Variants in SH3RF3 observed in about 807,000 individuals in gnomAD.
The protein encoded by SH3RF3 is E3 ubiquitin-protein ligase SH3RF3.
Under a neutral mutation model 66.3 loss-of-function variants are expected in SH3RF3, and 29 were observed. The observed-to-expected ratio is 0.44, with a 90% confidence interval of 0.33 to 0.60. The LOEUF (loss-of-function observed/expected upper bound fraction) is 0.60, where lower values mean the gene tolerates loss of function less well. Ranked by LOEUF, SH3RF3 falls within the 20% of genes least tolerant of loss-of-function variation. The pLI is 0.04. For missense variants in SH3RF3, 1,194 were observed against 1,190.9 expected (o/e 1.00, Z -0.04); for synonymous variants, 583 against 532.0 (o/e 1.10, Z -1.32).
intron 1 of SH3RF3, among the ~76,000 whole-genome samples, chr2:109,196,303 A>C (rs1678498674): frequency 6.6e-6 from 1 of 152,116 alleles, no homozygotes; most frequent in Admixed American, 6.5e-5. Context: ...GCAGCCCTGG[A>C]TTGGTGTAGC....
Position 109,366,773 on chromosome 2 carries a change from C to T in SH3RF3, c.850-4813C>T, listed in dbSNP as rs146925178. On this transcript the variant is annotated intron_variant, in intron 2 of 9. Transcript: ENST00000309415. ...GAGGCTGAGGAGGGAGGACCACTTGCGCCTGGAAAGTCAAAGCTGCAGTGA... is the reference window on the plus strand; with the variant it reads ...GAGGCTGAGGAGGGAGGACCACTTGTGCCTGGAAAGTCAAAGCTGCAGTGA... Among the ~76,000 whole-genome samples the T allele has an allele frequency of 6.8e-3, 1,035 of 152,206 alleles. 11 individuals carry two copies. The highest frequency in any genetic ancestry group is 0.023 in the African/African-American group (949 of 41,520).
chr2:109,461,677 G>A (rs535357572), intron 8 of SH3RF3, among the ~76,000 whole-genome samples: 23 of 150,230 alleles, frequency 1.5e-4, no homozygotes, highest in African/African-American at 5.2e-4. Flanking sequence ...AAAGACCTGC[G>A]CGGTGATCCA....
At chr2:109,167,769 C>T (rs535938986) in intron 1 of SH3RF3, among the ~76,000 whole-genome samples, 11 of 152,070 alleles carry the variant, frequency 7.2e-5, no homozygotes, top group East Asian at 1.9e-4. Flanking sequence ...GGTGGGATTG[C>T]GCCATGTTAG....
chr2:109,269,337 G>A lies in SH3RF3; in HGVS notation c.574-78337G>A, dbSNP rs111612639. On this transcript the variant is annotated intron_variant, in intron 1 of 9. Coordinates refer to ENST00000309415, the MANE Select transcript of SH3RF3 (RefSeq NM_001099289.3). ...GATGGGAAAACCTTGCCTTCCCCCCGGGAGAACAGAGGGAGCCTCCCCACA... is the reference window on the plus strand; with the variant it reads ...GATGGGAAAACCTTGCCTTCCCCCCAGGAGAACAGAGGGAGCCTCCCCACA... 5.7e-3 allele frequency among the ~76,000 whole-genome samples: 861 copies of A among 152,278 alleles called. 10 individuals carry two copies. The highest frequency in any genetic ancestry group is 0.02 in the African/African-American group (815 of 41,532).
At chr2:109,494,186 G>A (rs991406313) in intron 9 of SH3RF3, among the ~76,000 whole-genome samples, 2 of 152,166 alleles carry the variant, frequency 1.3e-5, no homozygotes, top group African/African-American at 2.4e-5. Context: ...GAAAGACCCT[G>A]TTTCTATAAA....
At chr2:109,286,968 C>T (rs1681043575) in intron 1 of SH3RF3, among the ~76,000 whole-genome samples, 1 of 152,204 alleles carries the variant, frequency 6.6e-6, no homozygotes, top group Admixed American at 6.5e-5. Flanking sequence ...CCGCCATCCT[C>T]CACAGACTGG....
chr2:109,338,599 C>T (rs1682482893), intron 1 of SH3RF3, among the ~76,000 whole-genome samples: 1 of 152,138 alleles, frequency 6.6e-6, no homozygotes, highest in African/African-American at 2.4e-5. Flanking sequence ...ACTCTGTTGC[C>T]CAGACTGGAA....
intron 1 of SH3RF3, among the ~76,000 whole-genome samples, chr2:109,337,422 C>T (rs1330672548): frequency 6.6e-6 from 1 of 152,236 alleles, no homozygotes; most frequent in Admixed American, 6.5e-5. Context: ...TCCTTAGCGC[C>T]TTGCACTGTG....
intron 1 of SH3RF3, among the ~76,000 whole-genome samples, chr2:109,260,548 G>A (rs1379100076): frequency 6.6e-6 from 1 of 152,232 alleles, no homozygotes; most frequent in Non-Finnish European, 1.5e-5. Context: ...TGGGCACAGG[G>A]ACACCTTGGT....
chr2:109,202,195 T>C (rs1292211809), intron 1 of SH3RF3, among the ~76,000 whole-genome samples: 1 of 152,124 alleles, frequency 6.6e-6, no homozygotes, highest in Admixed American at 6.5e-5. Context: ...TTCTCTTCCC[T>C]CCCTTGTTTC....
intron 1 of SH3RF3, among the ~76,000 whole-genome samples, chr2:109,255,161 C>T (rs2105272124): frequency 6.6e-6 from 1 of 152,144 alleles, no homozygotes; most frequent in African/African-American, 2.4e-5. Context: ...TGCACGTGTG[C>T]AACTCTTGCT....
chr2:109,324,408 G>A (rs1321586283), intron 1 of SH3RF3, among the ~76,000 whole-genome samples: 3 of 152,054 alleles, frequency 2.0e-5, no homozygotes, highest in African/African-American at 4.8e-5. Context: ...CATTCCCACC[G>A]GCAATGTATG....
rs75346598 is a variant in SH3RF3, at chr2:109,182,218, C to T, written c.573+52105C>T. Among the ~76,000 whole-genome samples, 3 of 152,222 alleles carry T rather than the reference C, an allele frequency of 2.0e-5. No homozygotes were observed. The East Asian group carries it at 5.8e-4, about 29-fold the overall frequency. On this transcript the variant is annotated intron_variant, in intron 1 of 9. Coordinates refer to ENST00000309415, the MANE Select transcript of SH3RF3 (RefSeq NM_001099289.3). ...CTCATGATTTTGAAGGCTGGGAAGT[C>T]CAAGAGCATGGCGCTGGCATTTGGT...
chr2:109,134,517 G>C (rs1450993875), intron 1 of SH3RF3, among the ~76,000 whole-genome samples: 1 of 152,196 alleles, frequency 6.6e-6, no homozygotes, highest in African/African-American at 2.4e-5. Flanking sequence ...GTGGGACCAG[G>C]TGTGAATGAA....
At chr2:109,292,758 G>A (rs1681217896) in intron 1 of SH3RF3, among the ~76,000 whole-genome samples, 1 of 152,166 alleles carries the variant, frequency 6.6e-6, no homozygotes, top group Non-Finnish European at 1.5e-5. Flanking sequence ...TTGAGATGGA[G>A]TTTCACTCTT....
chr2:109,251,042 C>T (rs905206634), intron 1 of SH3RF3, among the ~76,000 whole-genome samples: 1 of 151,772 alleles, frequency 6.6e-6, no homozygotes, highest in African/African-American at 2.4e-5. Context: ...CACTCTGTCG[C>T]CCAGGCTGGA....
At chr2:109,222,392 C>G (rs900036405) in intron 1 of SH3RF3, among the ~76,000 whole-genome samples, 1 of 152,154 alleles carries the variant, frequency 6.6e-6, no homozygotes, top group African/African-American at 2.4e-5. Flanking sequence ...GATGGATATG[C>G]TAGTTACCCT....
chr2:109,490,197 A>T (rs1573294252), intron 8 of SH3RF3, among the ~76,000 whole-genome samples: 1 of 152,350 alleles, frequency 6.6e-6, no homozygotes, highest in South Asian at 2.1e-4. Context: ...CAAGATGTCC[A>T]TGTAGGCACC....
At chr2:109,189,638 A>G (rs1266022472) in intron 1 of SH3RF3, among the ~76,000 whole-genome samples, 2 of 152,152 alleles carry the variant, frequency 1.3e-5, no homozygotes, top group East Asian at 3.9e-4. Flanking sequence ...AAGTGAGTCC[A>G]TATTCTCTGT....
Sources: allele counts gnomAD v4.1 joint callset (sites outside exome capture counted in the v4.1 genomes callset), GRCh38; gene constraint gnomAD v4.1.1; transcripts MANE v1.5; gene names NCBI Gene and HGNC (gene_info 2026-07-23, HGNC 2026-07-21).